The following TPST2 variants were observed in gnomAD, a reference collection of about 807,000 sequenced individuals.
TPST2 encodes the protein protein-tyrosine sulfotransferase 2.
Under a neutral mutation model 27.8 loss-of-function variants are expected in TPST2, and 16 were observed. That is an observed-to-expected ratio of 0.58 (90% CI 0.39 to 0.88). TPST2 has a LOEUF of 0.88. TPST2 is among the 40% of genes least tolerant of loss of function. TPST2 has a pLI of 0.00. For missense variants in TPST2, 464 were observed against 543.1 expected (o/e 0.85, Z 1.45); for synonymous variants, 229 against 231.7 (o/e 0.99, Z 0.10).
At chr22:26,540,240 C>A (rs532992685) in intron 3 of TPST2, among the ~76,000 whole-genome samples, 2 of 152,290 alleles carry the variant, frequency 1.3e-5, no homozygotes, top group Non-Finnish European at 2.9e-5. Flanking sequence ...CCCAGACATC[C>A]TTGTTCTGGA....
intron 1 of TPST2, among the ~76,000 whole-genome samples, chr22:26,555,999 A>G (rs180681049): frequency 1.2e-4 from 19 of 152,322 alleles, no homozygotes; most frequent in Non-Finnish European, 2.4e-4. Flanking sequence ...CTCTTCAACC[A>G]TCTGGTGAAA....
intron 1 of TPST2, among the ~76,000 whole-genome samples, chr22:26,566,034 T>G (rs1205084971): frequency 6.6e-6 from 1 of 152,220 alleles, no homozygotes; most frequent in Non-Finnish European, 1.5e-5. Flanking sequence ...AGATAAAGAC[T>G]TGAAATTCAG....
chr22:26,573,406 T>C (rs1032754525), intron 1 of TPST2, among the ~76,000 whole-genome samples: 15 of 152,316 alleles, frequency 9.8e-5, no homozygotes, highest in Non-Finnish European at 1.6e-4. Context: ...GCCCCAACAA[T>C]GCGGATTTGA....
intron 1 of TPST2, among the ~76,000 whole-genome samples, chr22:26,549,136 C>T (rs117130130): frequency 0.015 from 2,259 of 152,218 alleles, 24 homozygotes; most frequent in Non-Finnish European, 0.023. Context: ...TAGGGCATGT[C>T]GGAACAGCAC....
chr22:26,546,311 G>A (rs1322086752), intron 1 of TPST2, among the ~76,000 whole-genome samples: 3 of 152,152 alleles, frequency 2.0e-5, no homozygotes, highest in South Asian at 2.1e-4. Context: ...CCCCACAGCA[G>A]GCCACCCCCA....
At chr22:26,587,446 T>C (rs912358238) in intron 1 of TPST2, among the ~76,000 whole-genome samples, 1 of 152,160 alleles carries the variant, frequency 6.6e-6, no homozygotes, top group Non-Finnish European at 1.5e-5. Flanking sequence ...GTTCAAGCGA[T>C]TCCCCTGCCT....
chr22:26,555,227 T>C (rs1926725158), intron 1 of TPST2: 1 of 533,354 alleles, frequency 1.9e-6, no homozygotes, highest in Non-Finnish European at 3.8e-6. Flanking sequence ...CTCAGCGTTC[T>C]AGTAGGCTGG....
chr22:26,550,496 G>C lies in TPST2; in HGVS notation c.-160-5821C>G, dbSNP rs1275472600. ...CATTTCTCCAAGCTCAGCAGATCAG[G>C]AGGTTCCCAAGAGAAAAGCGGCAGG... On this transcript the variant is annotated intron_variant, in intron 1 of 6. Transcript: ENST00000338754. 6 of 737,096 alleles carry C rather than the reference G, an allele frequency of 8.1e-6. No individual in the cohort carries two copies. In the African/African-American group the frequency reaches 1.1e-4, roughly 14 times the overall value. 45.7% of individuals were successfully genotyped at this position (737,096 alleles called of 1,614,324 possible). A position where few individuals can be genotyped will look rare whatever the true frequency, so the allele number is the denominator to read the frequency against.
chr22:26,547,424 T>C (rs1288695488), intron 1 of TPST2: 1 of 152,110 alleles, frequency 6.6e-6, no homozygotes, highest in Non-Finnish European at 1.5e-5. Context: ...AGGAGGAATA[T>C]ATTAAATACA....
Position 26,541,358 on chromosome 22 carries a change from G to A in TPST2, c.273C>T (p.His91=), listed in dbSNP as rs571551977. The change falls in exon 3 of 7, where the codon CAC becomes CAT. Residue 91 remains histidine, a synonymous_variant. Coordinates refer to ENST00000338754, the MANE Select transcript of TPST2 (RefSeq NM_003595.5). This position sits in a 1 kb window ranked among gnomAD's most constrained non-coding sequence, Gnocchi z 5.9. ...TCTCCTCGCCGCAGCGCACCTCGGG[G>A]TGCGCGTCCAGCATGGCGCGCATCA... The part of the protein sequence containing the change: ...TTLMRAMLDA[H]PEVRCGEETR... 6.4e-6 allele frequency: 10 copies of A among 1,553,252 alleles called. No homozygotes were observed. The East Asian group carries it at 2.0e-4, about 32-fold the overall frequency.
At chr22:26,555,756 C>T (rs1486993891) in intron 1 of TPST2, among the ~76,000 whole-genome samples, 1 of 152,188 alleles carries the variant, frequency 6.6e-6, no homozygotes, top group Non-Finnish European at 1.5e-5. Flanking sequence ...GCCCAGAAGA[C>T]CTAATAACAC....
chr22:26,532,557 G>A (rs1925226300), intron 5 of TPST2, 138 bp downstream of exon 5: 1 of 965,216 alleles, frequency 1.0e-6, no homozygotes, highest in Non-Finnish European at 1.6e-6. Context: ...GGGATTACAG[G>A]CAGCCAGCTC....
intron 1 of TPST2, among the ~76,000 whole-genome samples, chr22:26,577,451 T>C (rs1338171474): frequency 6.6e-6 from 1 of 151,772 alleles, no homozygotes; most frequent in Non-Finnish European, 1.5e-5. Context: ...TTCAAGCGAT[T>C]CTCCTGCCTC....
chr22:26,528,298 G>A, intron 5 of TPST2, 36 bp from the exon 6 acceptor site: 1 of 1,554,614 alleles, frequency 6.4e-7, no homozygotes, highest in Non-Finnish European at 8.7e-7. Context: ...AGGGGTCACG[G>A]CCAGGTGAGG....
intron 1 of TPST2, among the ~76,000 whole-genome samples, chr22:26,583,712 C>T (rs765857476): frequency 6.6e-5 from 10 of 151,950 alleles, no homozygotes; most frequent in African/African-American, 2.2e-4. Context: ...TGGTGGCATG[C>T]GACTGTAATC....
In TPST2 at chr22:26,560,853, C is replaced by T. The variant is rs1466989338; in HGVS notation, c.-160-16178G>A. The T allele has an allele frequency of 5.0e-6, 8 of 1,588,370 alleles. No homozygotes were observed. The Admixed American group carries it at 6.7e-5, about 13-fold the overall frequency. On this transcript the variant is annotated intron_variant, in intron 1 of 6. Coordinates refer to ENST00000338754, the MANE Select transcript of TPST2 (RefSeq NM_003595.5). Reference sequence around the variant, plus strand: ...CTTCTTCCTGTTCTGCTCTGCGTATCGCCCAAAAATCAAAGGAGAACATCC... The same window carrying T: ...CTTCTTCCTGTTCTGCTCTGCGTATTGCCCAAAAATCAAAGGAGAACATCC...
At chr22:26,572,391 G>A (rs1371285092) in intron 1 of TPST2, among the ~76,000 whole-genome samples, 5 of 152,158 alleles carry the variant, frequency 3.3e-5, no homozygotes, top group Non-Finnish European at 5.9e-5. Flanking sequence ...AGCCGAGATG[G>A]AGACACAAAT....
rs1005038051 is a variant in TPST2, at chr22:26,522,244, C to T, written c.*4031G>A. The T allele has an allele frequency of 4.6e-5, 7 of 152,148 alleles. No homozygotes were observed. The highest frequency in any genetic ancestry group is 3.9e-4 in the Admixed American group (6 of 15,264). 9.4% of individuals were successfully genotyped at this position (152,148 alleles called of 1,614,324 possible). ...AGAAGGGGAGTCACTTGGCCACAGT[C>T]GCACAGTTGGAAAGTGGTAGAGCCA... On this transcript the variant is annotated 3_prime_UTR_variant, in exon 7 of 7. Coordinates refer to ENST00000338754, the MANE Select transcript of TPST2 (RefSeq NM_003595.5).
chr22:26,581,636 G>T (rs114230728), intron 1 of TPST2, among the ~76,000 whole-genome samples: 8 of 152,146 alleles, frequency 5.3e-5, no homozygotes, highest in Admixed American at 2.6e-4. Flanking sequence ...CAGTTTTCTC[G>T]CCTGTAAAGT....
Sources: allele counts gnomAD v4.1 joint callset (sites outside exome capture counted in the v4.1 genomes callset), GRCh38; gene constraint gnomAD v4.1.1; non-coding constraint Gnocchi (gnomAD v3.1); transcripts MANE v1.5; gene names NCBI Gene and HGNC (gene_info 2026-07-23, HGNC 2026-07-21).